The following MYO5B variants were observed in gnomAD, a reference collection of about 807,000 sequenced individuals.
MYO5B encodes the protein unconventional myosin-Vb.
In MYO5B, 143 loss-of-function variants were observed where a neutral mutation model predicts 229.3. The observed-to-expected ratio is 0.62, with a 90% CI of 0.54 to 0.72. The LOEUF is 0.72. MYO5B is among the 30% of genes least tolerant of loss of function. The pLI is 0.00. For synonymous variants in MYO5B, 918 were observed against 885.2 expected (o/e 1.04, Z -0.66); for missense variants, 2,321 against 2,331.0 (o/e 1.00, Z 0.09).
chr18:49,998,613 G>A (rs2026014404), intron 5 of MYO5B, among the ~76,000 whole-genome samples: 1 of 152,210 alleles, frequency 6.6e-6, no homozygotes, highest in South Asian at 2.1e-4. Context: ...GCAGCACTAT[G>A]CACAATACCC....
chr18:50,192,873 G>GTTGAGAACTTTAT (rs565606805), intron 1 of MYO5B, among the ~76,000 whole-genome samples: 26 of 152,290 alleles, frequency 1.7e-4, no homozygotes, highest in Middle Eastern at 6.8e-3. Flanking sequence ...GATGGAAACT[G>GTTGAGAACTTTAT]TGTTGAGAAA....
At chr18:49,859,286 A>C (rs769971672) in intron 29 of MYO5B, among the ~76,000 whole-genome samples, 9 of 152,224 alleles carry the variant, frequency 5.9e-5, no homozygotes, top group Non-Finnish European at 1.3e-4. Context: ...CTTATTGCAA[A>C]GGTTTCTTCC....
intron 22 of MYO5B, among the ~76,000 whole-genome samples, chr18:49,886,761 G>C (rs557848423): frequency 6.6e-6 from 1 of 152,050 alleles, no homozygotes; most frequent in African/African-American, 2.4e-5. Flanking sequence ...AAGAAGCACC[G>C]ACCGAGAGTG....
intron 1 of MYO5B, among the ~76,000 whole-genome samples, chr18:50,172,973 G>T (rs2032940400): frequency 6.6e-6 from 1 of 152,194 alleles, no homozygotes; most frequent in Non-Finnish European, 1.5e-5. Context: ...GAACAAAGAA[G>T]CCAGTGTGGG....
At chr18:50,176,709 T>TAAAA (rs1307298219) in intron 1 of MYO5B, among the ~76,000 whole-genome samples, 6 of 152,350 alleles carry the variant, frequency 3.9e-5, no homozygotes, top group African/African-American at 1.4e-4. Context: ...TGCAAATTGT[T>TAAAA]GTCGTGATAA....
intron 12 of MYO5B, among the ~76,000 whole-genome samples, chr18:49,957,163 A>AAAAAAAAAAAC: frequency 1.3e-5 from 2 of 150,880 alleles, no homozygotes; most frequent in African/African-American, 2.4e-5. Context: ...AAAAAAAAAA[A>AAAAAAAAAAAC]AAGCAGGCAT....
intron 39 of MYO5B, among the ~76,000 whole-genome samples, chr18:49,832,057 A>C (rs1189289195): frequency 6.6e-6 from 1 of 152,194 alleles, no homozygotes; most frequent in East Asian, 1.9e-4. Context: ...GGTTGAAGGG[A>C]AGGGAGAATA....
rs181980133 is a variant in MYO5B, at chr18:49,916,232, C to T, written c.2091-4059G>A. 4.6e-5 allele frequency among the ~76,000 whole-genome samples: 7 copies of T among 152,312 alleles called. No homozygotes were observed. The East Asian group carries it at 1.4e-3, about 29-fold the overall frequency. The stretch of plus-strand genomic sequence containing the variant: ...CCTTAAATGCTTCTAATTTGAAAAC[C>T]TCTTACTGCTGACAGATCCATACTC... On this transcript the variant is annotated intron_variant, in intron 17 of 39. Coordinates refer to ENST00000285039, the MANE Select transcript of MYO5B (RefSeq NM_001080467.3).
At chr18:50,159,924 T>C (rs1048716530) in intron 1 of MYO5B, among the ~76,000 whole-genome samples, 1 of 152,002 alleles carries the variant, frequency 6.6e-6, no homozygotes, top group African/African-American at 2.4e-5. Context: ...ACCCTCACCC[T>C]CCCTTGCAGA....
chr18:50,086,453 G>T (rs1298850238), intron 1 of MYO5B, among the ~76,000 whole-genome samples: 1 of 152,120 alleles, frequency 6.6e-6, no homozygotes, highest in Non-Finnish European at 1.5e-5. Context: ...CATAGATCTG[G>T]CTTACTCATT....
chr18:49,937,337 C>T lies in MYO5B; in HGVS notation c.1813G>A (p.Gly605Arg), dbSNP rs756856070. The T allele has an allele frequency of 6.2e-7, 1 of 1,613,812 alleles. No homozygotes were observed. Among genetic ancestry groups the T allele is most frequent in the South Asian group, 1.1e-5 (1 of 91,070 alleles). ...DKDPVPATTPGKGSSSKISVR... is the reference protein window; with the variant it reads ...DKDPVPATTPRKGSSSKISVR... ...CTGATCTTCGAAGATGACCCCTTCC[C>T]AGGGGTGGTGGCAGGAACAGGGTCC... is the stretch of plus-strand genomic sequence containing the variant. The change falls in exon 15 of 40, where the codon GGG (glycine) becomes AGG (arginine). Residue 605 changes from glycine (G) to arginine (R), a missense_variant. By Grantham distance (125) the Gly-to-Arg change is moderately radical (BLOSUM62 -2). Around this residue, in one of 2 missense-constraint regions of MYO5B, gnomAD observed 2,113 missense variants for 2,044.7 expected, o/e 1.03. Coordinates refer to ENST00000285039, the MANE Select transcript of MYO5B (RefSeq NM_001080467.3).
In MYO5B at chr18:49,843,308, G is replaced by A; in HGVS notation, c.4544C>T (p.Thr1515Ile). The change falls in exon 34 of 40, where the codon ACC becomes ATC. Residue 1515 changes from threonine to isoleucine, a missense_variant. By Grantham distance (89) the Thr-to-Ile change is moderately conservative (BLOSUM62 -1). Coordinates refer to ENST00000285039, the MANE Select transcript of MYO5B (RefSeq NM_001080467.3). ...LYMCIRHADY[T>I]NDDLKVHSLL... Reference sequence around the variant, plus strand: ...GGAGTGCACCTTGAGATCGTCGTTGGTGTAGTCCGCGTGCCGGATGCACAT... The same window carrying A: ...GGAGTGCACCTTGAGATCGTCGTTGATGTAGTCCGCGTGCCGGATGCACAT... The A allele has an allele frequency of 6.2e-7, 1 of 1,614,214 alleles. No individual in the cohort carries two copies.
chr18:50,156,258 T>A (rs998522652), intron 1 of MYO5B, among the ~76,000 whole-genome samples: 13 of 152,232 alleles, frequency 8.5e-5, no homozygotes, highest in African/African-American at 3.1e-4. Flanking sequence ...ACAGTAAGAT[T>A]ACTGTTTCAA....
At chr18:49,851,584 T>C (rs531139393) in intron 31 of MYO5B, among the ~76,000 whole-genome samples, 2 of 152,326 alleles carry the variant, frequency 1.3e-5, no homozygotes, top group East Asian at 3.9e-4. Context: ...ATTCAATTCA[T>C]AAGGAATCTT....
intron 4 of MYO5B, among the ~76,000 whole-genome samples, chr18:50,013,851 G>A (rs1190757520): frequency 6.6e-6 from 1 of 152,148 alleles, no homozygotes; most frequent in Admixed American, 6.5e-5. Flanking sequence ...TCCAAAGCTT[G>A]GGTTTCCCTG....
At chr18:50,037,736 C>CA (rs754534063) in intron 3 of MYO5B, among the ~76,000 whole-genome samples, 16 of 151,982 alleles carry the variant, frequency 1.1e-4, no homozygotes, top group Non-Finnish European at 1.9e-4. Context: ...CTCTTCTCTA[C>CA]AAAAAAAGTA....
chr18:49,915,746 A>G (rs989370715), intron 17 of MYO5B, among the ~76,000 whole-genome samples: 3 of 152,226 alleles, frequency 2.0e-5, no homozygotes, highest in Non-Finnish European at 2.9e-5. Context: ...GCCCTGACCC[A>G]TACTTGAACA....
intron 1 of MYO5B, among the ~76,000 whole-genome samples, chr18:50,178,205 A>T (rs1705523): frequency 0.35 from 52,742 of 151,958 alleles, 9,295 homozygotes; most frequent in Admixed American, 0.4. Flanking sequence ...ATTTTCACAA[A>T]TCAGAGCGTT....
At chr18:49,973,115 T>G (rs2025708557) in intron 10 of MYO5B, among the ~76,000 whole-genome samples, 1 of 152,014 alleles carries the variant, frequency 6.6e-6, no homozygotes, top group Non-Finnish European at 1.5e-5. Flanking sequence ...ATCCAAACCC[T>G]CAAATAGACC....
Sources: allele counts gnomAD v4.1 joint callset (sites outside exome capture counted in the v4.1 genomes callset), GRCh38; gene constraint gnomAD v4.1.1; regional missense constraint gnomAD v4.1.1; transcripts MANE v1.5; gene names NCBI Gene and HGNC (gene_info 2026-07-23, HGNC 2026-07-21).